GHR: variants seen among roughly 807,000 people sequenced by gnomAD.
The protein encoded by GHR is GH receptor.
In GHR, 35 loss-of-function variants were observed where a neutral mutation model predicts 67.1. That is an observed-to-expected ratio of 0.52 (90% CI 0.40 to 0.69). The LOEUF is 0.69. Ranked by LOEUF, GHR falls within the 30% of genes least tolerant of loss-of-function variation. The pLI, the probability that GHR is intolerant of heterozygous loss-of-function variation, is 0.00. For missense variants in GHR, 792 were observed against 764.6 expected (o/e 1.04, Z -0.42); for synonymous variants, 272 against 269.1 (o/e 1.01, Z -0.10).
At chr5:42,484,863 G>A (rs1745808145) in intron 1 of GHR, among the ~76,000 whole-genome samples, 1 of 152,184 alleles carries the variant, frequency 6.6e-6, no homozygotes, top group South Asian at 2.1e-4. Flanking sequence ...ATTTTTCACA[G>A]AGGCAGTCCT....
chr5:42,657,340 C>A (rs1755307950), intron 3 of GHR, among the ~76,000 whole-genome samples: 1 of 152,104 alleles, frequency 6.6e-6, no homozygotes, highest in Non-Finnish European at 1.5e-5. Context: ...GAGTCTGTGT[C>A]TACATATAAA....
intron 1 of GHR, among the ~76,000 whole-genome samples, chr5:42,450,186 T>C (rs1377089237): frequency 6.6e-6 from 1 of 152,190 alleles, no homozygotes; most frequent in Non-Finnish European, 1.5e-5. Context: ...TCTATCTTTT[T>C]GAATAGTTTC....
intron 2 of GHR, among the ~76,000 whole-genome samples, chr5:42,584,254 G>A (rs1347780160): frequency 6.6e-6 from 1 of 152,098 alleles, no homozygotes; most frequent in Non-Finnish European, 1.5e-5. Context: ...TAAATTTATA[G>A]CAAAAGTCAT....
chr5:42,618,959 A>C (rs1266238571), intron 2 of GHR, among the ~76,000 whole-genome samples: 1 of 152,100 alleles, frequency 6.6e-6, no homozygotes, highest in Non-Finnish European at 1.5e-5. Context: ...GCACATAATA[A>C]GTGCTCAATA....
At chr5:42,438,546 T>C (rs1293949985) in intron 1 of GHR, among the ~76,000 whole-genome samples, 1 of 152,178 alleles carries the variant, frequency 6.6e-6, no homozygotes, top group Non-Finnish European at 1.5e-5. Flanking sequence ...CTTATACCTA[T>C]TGGGCATTTA....
chr5:42,577,550 T>C (rs928280817), intron 2 of GHR, among the ~76,000 whole-genome samples: 8 of 152,208 alleles, frequency 5.3e-5, no homozygotes, highest in African/African-American at 1.4e-4. Context: ...TCATGTACCA[T>C]TTTCTCAAAG....
At chr5:42,428,477 T>C (rs1742949923) in intron 1 of GHR, among the ~76,000 whole-genome samples, 1 of 152,324 alleles carries the variant, frequency 6.6e-6, no homozygotes, top group Non-Finnish European at 1.5e-5. Context: ...GTGACCAACA[T>C]TTGGCTTCTC....
chr5:42,603,959 C>A (rs1336131890), intron 2 of GHR, among the ~76,000 whole-genome samples: 2 of 152,200 alleles, frequency 1.3e-5, no homozygotes, highest in Admixed American at 1.3e-4. Context: ...GTTCCCACAA[C>A]CCCCTTCTGA....
chr5:42,692,711 G>A (rs1174011621), intron 4 of GHR, among the ~76,000 whole-genome samples: 1 of 152,118 alleles, frequency 6.6e-6, no homozygotes, highest in Non-Finnish European at 1.5e-5. Context: ...GGGGAACAAG[G>A]TACTGACATG....
chr5:42,670,285 C>T (rs1055377989), intron 3 of GHR, among the ~76,000 whole-genome samples: 13 of 152,086 alleles, frequency 8.5e-5, no homozygotes, highest in Admixed American at 2.6e-4. Context: ...ACAGTGTCTT[C>T]AATAAATGGT....
At chr5:42,692,437 G>A (rs4076892) in intron 4 of GHR, among the ~76,000 whole-genome samples, 1,892 of 152,200 alleles carry the variant, frequency 0.012, 36 homozygotes, top group African/African-American at 0.043. Flanking sequence ...CATCTGTAGA[G>A]ACATTCAACC....
rs549008808 is a variant in GHR, at chr5:42,686,213, G to T, written c.137-2677G>T. On this transcript the variant is annotated intron_variant, in intron 3 of 9. Coordinates refer to ENST00000230882, the MANE Select transcript of GHR (RefSeq NM_000163.5). The stretch of plus-strand genomic sequence containing the variant: ...TTAAACAGGGAATCCTTTCCCCATT[G>T]CTTGTTTTTGTCAGGTTTGTCAAAG... Among the ~76,000 whole-genome samples, 272 of 152,202 alleles carry T rather than the reference G, an allele frequency of 1.8e-3. 1 individual carries two copies. Among genetic ancestry groups the T allele is most frequent in the African/African-American group, 6.2e-3 (258 of 41,522 alleles).
intron 9 of GHR, 36 bp from the exon 10 acceptor site, chr5:42,718,417 C>T: frequency 6.7e-7 from 1 of 1,483,960 alleles, no homozygotes; most frequent in Non-Finnish European, 9.4e-7. Flanking sequence ...TTATGAGTTT[C>T]TTTTCATAGA....
At chr5:42,520,804 T>G (rs1747439826) in intron 1 of GHR, among the ~76,000 whole-genome samples, 1 of 152,116 alleles carries the variant, frequency 6.6e-6, no homozygotes, top group Non-Finnish European at 1.5e-5. Flanking sequence ...CCCGGAATGC[T>G]TCACCCTCAG....
At chr5:42,686,035 G>A (rs946828382) in intron 3 of GHR, among the ~76,000 whole-genome samples, 3 of 152,138 alleles carry the variant, frequency 2.0e-5, no homozygotes, top group African/African-American at 7.2e-5. Flanking sequence ...TTCCTGAATG[G>A]TATTGCCTAG....
intron 1 of GHR, among the ~76,000 whole-genome samples, chr5:42,559,194 T>C (rs918367735): frequency 6.6e-6 from 1 of 152,218 alleles, no homozygotes; most frequent in African/African-American, 2.4e-5. Flanking sequence ...ATGTGACTTA[T>C]TGTAACATAA....
chr5:42,457,826 AC>A (rs1579733766), intron 1 of GHR, among the ~76,000 whole-genome samples: 1 of 152,050 alleles, frequency 6.6e-6, no homozygotes, highest in South Asian at 2.1e-4. Context: ...TCCTATTCTT[AC>A]CCCCTGCAAA....
chr5:42,573,332 C>T (rs762186465), intron 2 of GHR, among the ~76,000 whole-genome samples: 2 of 152,062 alleles, frequency 1.3e-5, no homozygotes, highest in South Asian at 2.1e-4. Flanking sequence ...TGGGCTTTTC[C>T]GGGGGATGGA....
At chr5:42,585,537 G>A (rs1022819475) in intron 2 of GHR, among the ~76,000 whole-genome samples, 3 of 152,246 alleles carry the variant, frequency 2.0e-5, no homozygotes, top group Non-Finnish European at 4.4e-5. Context: ...TCTTTCTGCA[G>A]CTAAGCACTG....
Sources: gnomAD v4.1 joint callset for allele counts (sites outside exome capture counted in the v4.1 genomes callset) on GRCh38, gnomAD v4.1.1 for gene constraint, MANE v1.5 for transcripts, NCBI Gene and HGNC (gene_info 2026-07-23, HGNC 2026-07-21) for gene names.